Variants in VCAM1 observed in about 807,000 individuals in gnomAD.
VCAM1 encodes vascular cell adhesion molecule 1.
VCAM1 carries 41 observed loss-of-function variants against 63.8 expected under a neutral mutation model. That is an observed-to-expected ratio of 0.64 (90% CI 0.50 to 0.83). The LOEUF (loss-of-function observed/expected upper bound fraction) is 0.83. Among genes scored for constraint, VCAM1 ranks in the 40% least tolerant of loss-of-function variants. VCAM1 has a pLI of 0.00. For missense variants in VCAM1, 798 were observed against 875.5 expected, an observed-to-expected ratio of 0.91 and a Z score of 1.12; for synonymous variants, 338 against 320.7, an observed-to-expected ratio of 1.05 and a Z score of -0.58.
chr1:100,738,605 A>G lies in VCAM1; in HGVS notation c.*322A>G, dbSNP rs1660744216. On this transcript the variant is annotated 3_prime_UTR_variant, in exon 9 of 9. Transcript: ENST00000294728. ...TAAAATAGCAACACTCTATATTTAG[A>G]TTGTTAAAATAACTAGTGTTGCTTG... 6.0e-6 allele frequency: 1 copy of G among 166,086 alleles called. No homozygotes were observed. The highest frequency in any genetic ancestry group is 1.6e-4 in the East Asian group (1 of 6,094). 10.3% of individuals were successfully genotyped at this position (166,086 alleles called of 1,614,324 possible).
Position 100,731,498 on chromosome 1 carries a change from C to T in VCAM1, c.1505C>T (p.Thr502Met), listed in dbSNP as rs780212367. ...TTCGAACCCAAACAAAGGCAGAGTA[C>T]GCAAACACTTTATGTCAATGGTAAG... Reference protein sequence around the residue: ...MEFEPKQRQSTQTLYVNVAPR... With the variant: ...MEFEPKQRQSMQTLYVNVAPR... The change falls in exon 6 of 9, where the codon ACG becomes ATG. Residue 502 changes from threonine (T) to methionine (M), a missense_variant. Transcript: ENST00000294728. The surrounding 1 kb of genome is among the most constrained non-coding windows in gnomAD (Gnocchi z 4.2). The T allele has an allele frequency of 9.5e-5, 154 of 1,612,830 alleles. No homozygotes were observed. Among genetic ancestry groups the T allele is most frequent in the Middle Eastern group, 3.3e-4 (2 of 6,074 alleles).
At chr1:100,723,406 A>G in intron 3 of VCAM1, 66 bp downstream of exon 3, 1 of 1,498,348 alleles carries the variant, frequency 6.7e-7, no homozygotes, top group Non-Finnish European at 9.0e-7. Context: ...ATAGCAATAA[A>G]CTTAGCAGAA....
intron 5 of VCAM1, among the ~76,000 whole-genome samples, chr1:100,729,602 T>C (rs1036514099): frequency 2.6e-5 from 4 of 152,118 alleles, no homozygotes; most frequent in African/African-American, 9.7e-5. Flanking sequence ...CAATCCTTGG[T>C]TTATGCCTTG....
Position 100,738,435 on chromosome 1 carries a change from T to A in VCAM1, c.*152T>A. ...AAATGCCCATCTATGTCCCTTGCTG[T>A]GAGCAAGAAGTCAAAGTAAAACTTG... is the stretch of plus-strand genomic sequence containing the variant. On this transcript the variant is annotated 3_prime_UTR_variant, in exon 9 of 9. Transcript: ENST00000294728. 1.2e-6 allele frequency: 1 copy of A among 837,118 alleles called. No individual in the cohort carries two copies. The highest frequency in any genetic ancestry group is 1.7e-6 in the Non-Finnish European group (1 of 575,796). 51.9% of individuals were successfully genotyped at this position (837,118 alleles called of 1,614,324 possible).
intron 6 of VCAM1, 38 bp from the exon 7 acceptor site, chr1:100,732,380 A>T (rs755413553): frequency 6.6e-7 from 1 of 1,509,686 alleles, no homozygotes; most frequent in East Asian, 2.3e-5. Flanking sequence ...AACTCAGGGC[A>T]TAATAGGTCA....
chr1:100,724,637 T>C lies in VCAM1; in HGVS notation c.675T>C (p.Asn225=). Residue 225 remains asparagine, a synonymous_variant, in exon 4 of 9, where the codon AAT becomes AAC. Coordinates refer to ENST00000294728, the MANE Select transcript of VCAM1 (RefSeq NM_001078.4). ...KELQVYISPK[N]TVISVNPSTK... Reference sequence around the variant, plus strand: ...TTGCCCTTTCAGTATCACCCAAGAATACAGTTATTTCTGTGAATCCATCCA... The same window carrying C: ...TTGCCCTTTCAGTATCACCCAAGAACACAGTTATTTCTGTGAATCCATCCA... 1 of 1,612,608 alleles carries C rather than the reference T, an allele frequency of 6.2e-7. No individual in the cohort carries two copies. Among genetic ancestry groups the C allele is most frequent in the Non-Finnish European group, 8.5e-7 (1 of 1,179,086 alleles).
chr1:100,720,271 G>C (rs1339109737), intron 1 of VCAM1, among the ~76,000 whole-genome samples: 1 of 152,042 alleles, frequency 6.6e-6, no homozygotes, highest in African/African-American at 2.4e-5. Context: ...ATCAAGGTTG[G>C]AACTGAGAAT....
At position 100,723,355 on chromosome 1, in the gene VCAM1, G is replaced by T. The variant is rs373461502; in HGVS notation, c.661+15G>T. 5.5e-5 allele frequency: 89 copies of T among 1,607,142 alleles called. No homozygotes were observed. In the African/African-American group the frequency reaches 8.0e-4, roughly 15 times the overall value. ...GCAAGTCTACAGTAAGTACTTGTGCGATGTGTTCCAGTCTTTGTGGGAATC... is the reference window on the plus strand; with the variant it reads ...GCAAGTCTACAGTAAGTACTTGTGCTATGTGTTCCAGTCTTTGTGGGAATC... On this transcript the variant is annotated intron_variant, in intron 3 of 8. Transcript: ENST00000294728.
intron 2 of VCAM1, among the ~76,000 whole-genome samples, chr1:100,722,319 T>C (rs1029662144): frequency 1.3e-5 from 2 of 152,032 alleles, no homozygotes; most frequent in African/African-American, 4.8e-5. Flanking sequence ...AACATAAAGA[T>C]TGCACAAATG....
At chr1:100,720,854 A>T in intron 2 of VCAM1, 103 bp downstream of exon 2, 1 of 1,338,164 alleles carries the variant, frequency 7.5e-7, no homozygotes, top group Non-Finnish European at 1.0e-6. Flanking sequence ...ATTCATGTAC[A>T]GATTCTTGGC....
chr1:100,723,165 G>C lies in VCAM1; in HGVS notation c.486G>C (p.Gln162His). ...AAGGAGATCATCTCATGAAGAGTCA[G>C]GAATTTCTGGAGGATGCAGACAGGA... ...LLKGDHLMKS[Q>H]EFLEDADRKS... The change falls in exon 3 of 9, where the codon CAG (glutamine) becomes CAC (histidine). Residue 162 changes from glutamine (Q) to histidine (H), a missense_variant. Physicochemically the swap from Gln to His is conservative, Grantham distance 24. Coordinates refer to ENST00000294728, the MANE Select transcript of VCAM1 (RefSeq NM_001078.4). The C allele has an allele frequency of 1.2e-6, 2 of 1,613,142 alleles. No homozygotes were observed. Among genetic ancestry groups the C allele is most frequent in the Non-Finnish European group, 1.7e-6 (2 of 1,179,452 alleles).
At chr1:100,722,318 A>T (rs994982941) in intron 2 of VCAM1, among the ~76,000 whole-genome samples, 7 of 152,040 alleles carry the variant, frequency 4.6e-5, no homozygotes, top group African/African-American at 7.2e-5. Context: ...GAACATAAAG[A>T]TTGCACAAAT....
In VCAM1 at chr1:100,719,882, A is replaced by G; in HGVS notation, c.22A>G (p.Ile8Val). The change falls in exon 1 of 9, where the codon ATC (isoleucine) becomes GTC (valine). Residue 8 changes from isoleucine to valine, a missense_variant. Physicochemically the swap from Ile to Val is conservative, Grantham distance 29. Coordinates refer to ENST00000294728, the MANE Select transcript of VCAM1 (RefSeq NM_001078.4). ...TAAAATGCCTGGGAAGATGGTCGTG[A>G]TCCTTGGAGCCTCAAATATACTTTG... is the stretch of plus-strand genomic sequence containing the variant. MPGKMVVILGASNILWIM... is the reference protein window; with the variant it reads MPGKMVVVLGASNILWIM... 3 of 1,611,598 alleles carry G rather than the reference A, an allele frequency of 1.9e-6. No individual in the cohort carries two copies. The South Asian group carries it at 3.3e-5, about 18-fold the overall frequency.
At chr1:100,724,167 T>A (rs938253470) in intron 3 of VCAM1, among the ~76,000 whole-genome samples, 2 of 152,112 alleles carry the variant, frequency 1.3e-5, no homozygotes, top group Non-Finnish European at 2.9e-5. Flanking sequence ...AGCACAGGGC[T>A]GAATTATGGC....
chr1:100,720,392 T>A (rs1659917130), intron 1 of VCAM1, 84 bp from the exon 2 acceptor site: 1 of 1,490,686 alleles, frequency 6.7e-7, no homozygotes, highest in South Asian at 1.3e-5. Flanking sequence ...TCTGATCATA[T>A]TTTAGACATT....
At chr1:100,733,508 GACAA>G (rs1254670610) in intron 7 of VCAM1, among the ~76,000 whole-genome samples, 2 of 152,070 alleles carry the variant, frequency 1.3e-5, no homozygotes, top group Admixed American at 6.5e-5. Context: ...TTAAAAAACA[GACAA>G]ACAAACAAAA....
chr1:100,731,356 G>A lies in VCAM1; in HGVS notation c.1363G>A (p.Asp455Asn), dbSNP rs2100831852. 6.2e-7 allele frequency: 1 copy of A among 1,613,746 alleles called. No homozygotes were observed. The highest frequency in any genetic ancestry group is 2.2e-5 in the East Asian group (1 of 44,864). ...TCTGGAGAATATAGAGTTTTTGGAG[G>A]ATACGGATATGAAATCTCTAGAGAA... ...TILENIEFLE[D>N]TDMKSLENKS... The change falls in exon 6 of 9, where the codon GAT (aspartate) becomes AAT (asparagine). Residue 455 changes from aspartate (D) to asparagine (N), a missense_variant. Asp to Asn is a conservative substitution (Grantham distance 23). Coordinates refer to ENST00000294728, the MANE Select transcript of VCAM1 (RefSeq NM_001078.4). The surrounding 1 kb of genome is among the most constrained non-coding windows in gnomAD (Gnocchi z 4.2).
At chr1:100,735,794 T>C (rs1660628795) in intron 8 of VCAM1, 1 of 152,210 alleles carries the variant, frequency 6.6e-6, no homozygotes, top group African/African-American at 2.4e-5. Context: ...CGATTATATA[T>C]GAAACTTCTA....
chr1:100,726,420 A>G (rs1660164472), intron 4 of VCAM1, among the ~76,000 whole-genome samples: 1 of 152,100 alleles, frequency 6.6e-6, no homozygotes. Context: ...ACTGTCACAC[A>G]GAACTCTTTA....
Sources: allele counts gnomAD v4.1 joint callset (sites outside exome capture counted in the v4.1 genomes callset), GRCh38; gene constraint gnomAD v4.1.1; non-coding constraint Gnocchi (gnomAD v3.1); transcripts MANE v1.5; gene names NCBI Gene and HGNC (gene_info 2026-07-23, HGNC 2026-07-21).